The following GMNC variants were observed in gnomAD, a reference collection of about 807,000 sequenced individuals.
GMNC encodes the protein geminin coiled-coil domain-containing protein 1.
GMNC carries 16 observed loss-of-function variants against 33.6 expected under a neutral mutation model. The observed-to-expected ratio is 0.48, with a 90% CI of 0.32 to 0.72. The LOEUF (loss-of-function observed/expected upper bound fraction) is 0.72, where lower values mean the gene tolerates loss of function less well. GMNC is among the 30% of genes least tolerant of loss of function. GMNC has a pLI of 0.03. For missense variants in GMNC, 393 were observed against 388.9 expected, an observed-to-expected ratio of 1.01 and a Z score of -0.09; for synonymous variants, 156 against 147.3, an observed-to-expected ratio of 1.06 and a Z score of -0.43.
the GMNC span, among the ~76,000 whole-genome samples, chr3:190,847,526 C>T: frequency 6.6e-6 from 1 of 152,190 alleles, no homozygotes; most frequent in Non-Finnish European, 1.5e-5. Context: ...TTCTGCTGAA[C>T]TTCTGCAGTG....
downstream of GMNC, among the ~76,000 whole-genome samples, chr3:190,850,068 C>T (rs1031322782): frequency 2.2e-4 from 34 of 152,200 alleles, no homozygotes; most frequent in Admixed American, 1.3e-3. Context: ...CATGATAGCC[C>T]GCTTTTCCAT....
At chr3:190,844,245 T>C in the GMNC span, among the ~76,000 whole-genome samples, 4 of 152,102 alleles carry the variant, frequency 2.6e-5, no homozygotes, top group Admixed American at 6.5e-5. Context: ...CCAAATTGTT[T>C]TGATTTTGAT....
At position 190,861,856 on chromosome 3, in the gene GMNC, A is replaced by AT. The variant is rs1737879005; in HGVS notation, c.3+756_3+757insA. Among the ~76,000 whole-genome samples the AT allele has an allele frequency of 6.6e-6, 1 of 152,164 alleles. No homozygotes were observed. The highest frequency in any genetic ancestry group is 1.5e-5 in the Non-Finnish European group (1 of 68,036). On this transcript the variant is annotated intron_variant, in intron 1 of 4. Transcript: ENST00000442080. The surrounding 1 kb of genome is among the most constrained non-coding windows in gnomAD (Gnocchi z 5.1). ...ATTATTTGTCAATGTTTAATCAGGT[A>AT]AAAGCCATTCATTTTAGCAGAGCCC...
chr3:190,860,738 A>G lies in GMNC; in HGVS notation c.124T>C (p.Trp42Arg), dbSNP rs751308175. Residue 42 changes from tryptophan to arginine, a missense_variant, in exon 2 of 5, where the codon TGG becomes CGG. Physicochemically the swap from Trp to Arg is moderately radical, Grantham distance 101. Coordinates refer to ENST00000442080, the MANE Select transcript of GMNC (RefSeq NM_001146686.3). ...CTGTTGTCCAGGAGACCAGCAGCCC[A>G]GAAAGAGACCCAAGTCTCCGTGGAA... is the stretch of plus-strand genomic sequence containing the variant. ...DVSTETWVSF[W>R]AAGLLDNREL... 1.3e-6 allele frequency: 2 copies of G among 1,551,484 alleles called. No individual in the cohort carries two copies. The highest frequency in any genetic ancestry group is 1.7e-6 in the Non-Finnish European group (2 of 1,147,028).
chr3:190,855,344 C>T lies in GMNC; in HGVS notation c.956G>A (p.Arg319Gln), dbSNP rs768761758. ...SFHQGQAFVR[R>Q]DEEGGWKFTW... The stretch of plus-strand genomic sequence containing the variant: ...AAACTTCCAGCCTCCCTCCTCATCT[C>T]GACGCACAAAGGCTTGTCCCTGGTG... The change falls in exon 5 of 5, where the codon CGA (arginine) becomes CAA (glutamine). Residue 319 changes from arginine to glutamine, a missense_variant. Physicochemically the swap from Arg to Gln is conservative, Grantham distance 43 (BLOSUM62 1). Coordinates refer to ENST00000442080, the MANE Select transcript of GMNC (RefSeq NM_001146686.3). The T allele has an allele frequency of 2.7e-5, 42 of 1,551,572 alleles. No homozygotes were observed. The South Asian group carries it at 3.8e-4, about 14-fold the overall frequency.
At position 190,855,604 on chromosome 3, in the gene GMNC, A is replaced by G. The variant is rs1422401782; in HGVS notation, c.696T>C (p.Asp232=). 4 of 1,551,430 alleles carry G rather than the reference A, an allele frequency of 2.6e-6. No individual in the cohort carries two copies. Among genetic ancestry groups the G allele is most frequent in the Non-Finnish European group, 3.5e-6 (4 of 1,146,900 alleles). The part of the protein sequence containing the change: ...TFSQFPDDAV[D]YKNIPREDMP... ...TATCCTCTCTGGGGATATTTTTATA[A>G]TCAACTGCATCATCCGGAAACTGGG... Residue 232 remains aspartate, a synonymous_variant, in exon 5 of 5, where the codon GAT becomes GAC. Coordinates refer to ENST00000442080, the MANE Select transcript of GMNC (RefSeq NM_001146686.3).
intron 4 of GMNC, 85 bp downstream of exon 4, chr3:190,857,698 T>G: frequency 4.2e-6 from 3 of 720,734 alleles, no homozygotes; most frequent in Non-Finnish European, 7.4e-6. Context: ...AGATACACTG[T>G]TTAATCAAGG....
intron 2 of GMNC, among the ~76,000 whole-genome samples, chr3:190,859,307 A>G (rs1417592116): frequency 6.6e-6 from 1 of 152,146 alleles, no homozygotes; most frequent in Non-Finnish European, 1.5e-5. Flanking sequence ...TAAATTAAAG[A>G]CTGTCCAGTC....
At chr3:190,847,821 A>G (rs2108526977), downstream of GMNC, among the ~76,000 whole-genome samples, 1 of 152,296 alleles carries the variant, frequency 6.6e-6, no homozygotes, top group South Asian at 2.1e-4. Context: ...TATGTTCCAG[A>G]AAGATGATGC....
chr3:190,848,138 G>A (rs1168109833), downstream of GMNC, among the ~76,000 whole-genome samples: 1 of 152,114 alleles, frequency 6.6e-6, no homozygotes, highest in East Asian at 1.9e-4. Context: ...ATGCTTTGAG[G>A]TTACAAATAA....
chr3:190,850,708 C>T (rs1415641970), downstream of GMNC, among the ~76,000 whole-genome samples: 1 of 152,150 alleles, frequency 6.6e-6, no homozygotes, highest in East Asian at 1.9e-4. Context: ...TGACAAAAAG[C>T]TGGTTTTAGC....
intron 3 of GMNC, chr3:190,858,162 A>T: frequency 2.7e-6 from 1 of 374,822 alleles, no homozygotes; most frequent in Admixed American, 4.0e-5. Context: ...ACCACAAGCG[A>T]ATCAGGTAGA....
At chr3:190,856,597 G>T (rs1737752875) in intron 4 of GMNC, among the ~76,000 whole-genome samples, 1 of 149,862 alleles carries the variant, frequency 6.7e-6, no homozygotes, top group Non-Finnish European at 1.5e-5. Flanking sequence ...ATTGGATATA[G>T]ATGTTATTAA....
chr3:190,856,419 A>G lies in GMNC; in HGVS notation c.385-504T>C, dbSNP rs866048549. ...TTTATATATTTATAAATATATTAAT[A>G]AATATTAATTTATATAAGTAAATAT... On this transcript the variant is annotated intron_variant, in intron 4 of 4. Coordinates refer to ENST00000442080, the MANE Select transcript of GMNC (RefSeq NM_001146686.3). Among the ~76,000 whole-genome samples the G allele has an allele frequency of 4.0e-3, 583 of 144,538 alleles. 11 individuals carry two copies. Among genetic ancestry groups the G allele is most frequent in the Middle Eastern group, 0.037 (10 of 272 alleles). 94.8% of individuals were successfully genotyped at this position (144,538 alleles called of 152,430 possible).
downstream of GMNC, among the ~76,000 whole-genome samples, chr3:190,847,921 A>C (rs1304054454): frequency 6.6e-6 from 1 of 152,226 alleles, no homozygotes; most frequent in African/African-American, 2.4e-5. Flanking sequence ...TGTTTAAAAA[A>C]TGACCTATAA....
chr3:190,846,624 A>G, the GMNC span, among the ~76,000 whole-genome samples: 1 of 152,226 alleles, frequency 6.6e-6, no homozygotes, highest in Non-Finnish European at 1.5e-5. Context: ...ATTGCTGAAG[A>G]GAAGTTCATG....
chr3:190,861,499 T>TATCA lies in GMNC; in HGVS notation c.4-642_4-641insTGAT, dbSNP rs1282875427. Reference sequence around the variant, plus strand: ...CTATCTATCTATCTATCTATCTATCTATCTATCTATCTCTGTCCCAGAGAT... The same window carrying TATCA: ...CTATCTATCTATCTATCTATCTATCTATCAATCTATCTATCTCTGTCCCAGAGAT... On this transcript the variant is annotated intron_variant, in intron 1 of 4. Coordinates refer to ENST00000442080, the MANE Select transcript of GMNC (RefSeq NM_001146686.3). The surrounding 1 kb of genome is among the most constrained non-coding windows in gnomAD (Gnocchi z 5.1). Among the ~76,000 whole-genome samples the TATCA allele has an allele frequency of 6.6e-6, 1 of 151,998 alleles. No individual in the cohort carries two copies. The highest frequency in any genetic ancestry group is 2.4e-5 in the African/African-American group (1 of 41,374).
intron 3 of GMNC, among the ~76,000 whole-genome samples, chr3:190,858,249 C>T (rs1737789252): frequency 6.6e-6 from 1 of 152,094 alleles, no homozygotes; most frequent in African/African-American, 2.4e-5. Context: ...GGACTCCTTC[C>T]TTGCACTTCT....
chr3:190,845,273 T>C, the GMNC span, among the ~76,000 whole-genome samples: 1 of 152,120 alleles, frequency 6.6e-6, no homozygotes, highest in East Asian at 1.9e-4. Context: ...TTAATATCAA[T>C]GTAAGATTTT....
Sources: gnomAD v4.1 joint callset for allele counts (sites outside exome capture counted in the v4.1 genomes callset) on GRCh38, gnomAD v4.1.1 for gene constraint, Gnocchi (gnomAD v3.1) non-coding constraint, MANE v1.5 for transcripts, NCBI Gene and HGNC (gene_info 2026-07-23, HGNC 2026-07-21) for gene names.